PLEC: variants seen among roughly 807,000 people sequenced by gnomAD.
PLEC encodes plectin, also known as hemidesmosomal protein 1.
Under a neutral mutation model 392.8 loss-of-function variants are expected in PLEC, and 216 were observed. The observed-to-expected ratio is 0.55, with a 90% confidence interval of 0.49 to 0.62. The LOEUF is 0.62. Among genes scored for constraint, PLEC ranks in the 20% least tolerant of loss-of-function variants. The pLI is 0.00. For synonymous variants in PLEC, 3,621 were observed against 2,980.6 expected, an observed-to-expected ratio of 1.21 and a Z score of -7.00; for missense variants, 6,863 against 6,563.4, an observed-to-expected ratio of 1.05 and a Z score of -1.58.
intron 1 of PLEC, among the ~76,000 whole-genome samples, chr8:143,967,209 A>AC (rs1220642433): frequency 1.3e-5 from 2 of 151,744 alleles, no homozygotes; most frequent in Admixed American, 6.6e-5. Context: ...TAAAAATACA[A>AC]AAAATTAGCT....
exon 1 of PLEC, chr8:143,950,199 G>C (rs572926698): frequency 1.3e-6 from 2 of 1,529,278 alleles, no homozygotes; most frequent in Admixed American, 2.1e-5. Context: ...GCTGGGGCAG[G>C]CTCCGGGCCT....
In PLEC at chr8:143,921,829, C is replaced by T. The variant is rs202097976; in HGVS notation, c.7992G>A (p.Leu2664=). Reference sequence around the variant, plus strand: ...CCAACCGCTGCAGCTCCTCCGCACTCAGGATGCCGGCCTCCTGCAGCCTCT... The same window carrying T: ...CCAACCGCTGCAGCTCCTCCGCACTTAGGATGCCGGCCTCCTGCAGCCTCT... ...SAQRLQEAGI[L]SAEELQRLAQ... is the part of the protein sequence containing the mutation. The change falls in exon 32 of 32, where the codon CTG becomes CTA. Residue 2664 remains leucine, a synonymous_variant. Coordinates refer to ENST00000345136, the MANE Select transcript of PLEC (RefSeq NM_201384.3). 113 of 1,607,126 alleles carry T rather than the reference C, an allele frequency of 7.0e-5. No homozygotes were observed. In the African/African-American group the frequency reaches 1.5e-3, roughly 21 times the overall value.
In PLEC at chr8:143,921,062, T is replaced by C. The variant is rs781891250; in HGVS notation, c.8759A>G (p.Lys2920Arg). The C allele has an allele frequency of 1.2e-6, 2 of 1,612,138 alleles. No individual in the cohort carries two copies. Among genetic ancestry groups the C allele is most frequent in the Middle Eastern group, 1.6e-4 (1 of 6,062 alleles). ...VSAPFGKFQGKTVTIWEIINS... is the reference protein window; with the variant it reads ...VSAPFGKFQGRTVTIWEIINS... ...GATGATCTCCCAAATGGTCACCGTC[T>C]TGCCCTGGAACTTGCCGAACGGCGC... Residue 2920 changes from lysine (K) to arginine (R), a missense_variant, in exon 32 of 32, where the codon AAG (lysine) becomes AGG (arginine). Lys to Arg is a conservative substitution (Grantham distance 26). Coordinates refer to ENST00000345136, the MANE Select transcript of PLEC (RefSeq NM_201384.3).
At chr8:143,960,517 TGAGGCAGGAGAATCCCTCTAACCCGG>T (rs1182902117) in intron 1 of PLEC, among the ~76,000 whole-genome samples, 3 of 151,732 alleles carry the variant, frequency 2.0e-5, no homozygotes, top group African/African-American at 7.3e-5. Context: ...CTCAGGAGGC[TGAGGCAGGAGAATCCCTCTAACCCGG>T]GAGGCGGAGG....
rs541961187 is a variant in PLEC at position 143,930,065 on chromosome 8, G to A, written c.2613-3C>T. On this transcript the variant is annotated splice_polypyrimidine_tract_variant and splice_region_variant and intron_variant, in intron 21 of 31. Coordinates refer to ENST00000345136, the MANE Select transcript of PLEC (RefSeq NM_201384.3). The stretch of plus-strand genomic sequence containing the variant: ...GGGCCTGGTGCTGGGCCTCCAGCCT[G>A]GCAGGTCAGGGCTACAGTCAGCGTC... 1 of 1,609,848 alleles carries A rather than the reference G, an allele frequency of 6.2e-7. No individual in the cohort carries two copies. The highest frequency in any genetic ancestry group is 2.2e-5 in the East Asian group (1 of 44,864).
rs202005454 is a variant in PLEC at position 143,919,980 on chromosome 8, C to T, written c.9841G>A (p.Val3281Met). The T allele has an allele frequency of 2.0e-4, 317 of 1,613,372 alleles. No homozygotes were observed. The highest frequency in any genetic ancestry group is 9.1e-4 in the South Asian group (83 of 91,088). The change falls in exon 32 of 32, where the codon GTG (valine) becomes ATG (methionine). Residue 3281 changes from valine to methionine, a missense_variant. Physicochemically the swap from Val to Met is conservative, Grantham distance 21. Transcript: ENST00000345136. ...LRQFRTGKVT[V>M]EKVIKILITI... Reference sequence around the variant, plus strand: ...ATGAGAATCTTGATGACCTTCTCCACGGTGACCTTGCCCGTGCGGAACTGA... The same window carrying T: ...ATGAGAATCTTGATGACCTTCTCCATGGTGACCTTGCCCGTGCGGAACTGA...
intron 1 of PLEC, among the ~76,000 whole-genome samples, chr8:143,972,582 G>C (rs1051817658): frequency 6.6e-6 from 1 of 152,258 alleles, no homozygotes; most frequent in Non-Finnish European, 1.5e-5. Flanking sequence ...GCTGGAGTCT[G>C]CTCTGATCGG....
intron 1 of PLEC, among the ~76,000 whole-genome samples, chr8:143,971,224 C>T (rs1279773762): frequency 1.3e-5 from 2 of 152,124 alleles, no homozygotes; most frequent in African/African-American, 2.4e-5. Context: ...GAGGTGGAAC[C>T]GAGGCAATGC....
chr8:143,930,474 C>A lies in PLEC; in HGVS notation c.2367G>T (p.Lys789Asn), dbSNP rs2131792951. Residue 789 changes from lysine (K) to asparagine (N), a missense_variant, in exon 20 of 32, where the codon AAG (lysine) becomes AAT (asparagine). Transcript: ENST00000345136. Reference sequence around the variant, plus strand: ...GGCGGGGCTTCAGCTGCACGACGGCCTTGGCCCGCTTGGCCAGGCCTGAGA... The same window carrying A: ...GGCGGGGCTTCAGCTGCACGACGGCATTGGCCCGCTTGGCCAGGCCTGAGA... Reference protein sequence around the residue: ...GHLSGLAKRAKAVVQLKPRHP... With the variant: ...GHLSGLAKRANAVVQLKPRHP... 6.3e-7 allele frequency: 1 copy of A among 1,591,686 alleles called. No homozygotes were observed. The highest frequency in any genetic ancestry group is 2.3e-5 in the East Asian group (1 of 43,452).
Position 143,931,936 on chromosome 8 carries a change from C to T in PLEC, c.2178+1G>A. ...AGTGCGGAGGGGGCTCCGGTTCTCACCTGAAAGTAGGCAGCGTTCTCCTTC... is the reference window on the plus strand; with the variant it reads ...AGTGCGGAGGGGGCTCCGGTTCTCATCTGAAAGTAGGCAGCGTTCTCCTTC... On this transcript the variant is annotated splice_donor_variant, in intron 18 of 31. Coordinates refer to ENST00000345136, the MANE Select transcript of PLEC (RefSeq NM_201384.3). LOFTEE classifies it high-confidence loss of function. 6.2e-7 allele frequency: 1 copy of T among 1,604,630 alleles called. No individual in the cohort carries two copies. Among genetic ancestry groups the T allele is most frequent in the South Asian group, 1.1e-5 (1 of 89,682 alleles).
rs781957563 is a variant in PLEC, at chr8:143,919,224, C to A, written c.10597G>T (p.Asp3533Tyr). 6.2e-7 allele frequency: 1 copy of A among 1,613,906 alleles called. No homozygotes were observed. Among genetic ancestry groups the A allele is most frequent in the South Asian group, 1.1e-5 (1 of 91,084 alleles). ...YRQLLERCVEDPETGLRLLPL... is the reference protein window; with the variant it reads ...YRQLLERCVEYPETGLRLLPL... ...AGAAGGCGCAAGCCCGTCTCGGGGT[C>A]CTCCACGCACCGCTCCAGCAGCTGC... Residue 3533 changes from aspartate to tyrosine, a missense_variant, in exon 32 of 32, where the codon GAC becomes TAC. Transcript: ENST00000345136.
upstream of PLEC, among the ~76,000 whole-genome samples, chr8:143,975,785 A>C (rs569082652): frequency 6.6e-6 from 1 of 152,016 alleles, no homozygotes; most frequent in African/African-American, 2.4e-5. This position sits in a 1 kb window ranked among gnomAD's most constrained non-coding sequence, Gnocchi z 9.9. Flanking sequence ...CTCAACCGGC[A>C]CACGACAGAC....
upstream of PLEC, chr8:143,973,575 G>GC: frequency 5.1e-6 from 5 of 983,178 alleles, no homozygotes; most frequent in Non-Finnish European, 6.1e-6. The surrounding 1 kb of genome is among the most constrained non-coding windows in gnomAD (Gnocchi z 5.6). Flanking sequence ...CCCCCGCCCC[G>GC]CCCCCGCCCC....
intron 1 of PLEC, 120 bp downstream of exon 1, chr8:143,939,230 A>ACCCCCATCTCCAAGACCAGC: frequency 7.4e-7 from 1 of 1,355,610 alleles, no homozygotes; most frequent in Non-Finnish European, 1.0e-6. Context: ...CTGGCCCCCG[A>ACCCCCATCTCCAAGACCAGC]CCCCCATCTC....
intron 3 of PLEC, chr8:143,937,754 G>C: frequency 2.0e-6 from 1 of 499,268 alleles, no homozygotes; most frequent in Non-Finnish European, 3.9e-6. Context: ...CTCACCAGGC[G>C]TGAGCTCCTG....
chr8:143,921,568 G>A lies in PLEC; in HGVS notation c.8253C>T (p.Asn2751=), dbSNP rs11777402. The stretch of plus-strand genomic sequence containing the variant: ...CCACCACACCCTCCTTCACAGCCTC[G>A]TTGACGGTCAGCCGCCGGTTCCGCA... ...DPVRNRRLTV[N]EAVKEGVVGP... The change falls in exon 32 of 32, where the codon AAC becomes AAT. Residue 2751 remains asparagine (N), a synonymous_variant. Transcript: ENST00000345136. 624,751 of 1,612,104 alleles carry A rather than the reference G, an allele frequency of 0.39. 127,617 individuals carry two copies. The highest frequency in any genetic ancestry group is 0.42 in the Non-Finnish European group (496,935 of 1,179,322).
chr8:143,934,021 G>T lies in PLEC; in HGVS notation c.1240C>A (p.Gln414Lys). ...EAGLCEEQLN[Q>K]ADALLQSDVR... is the part of the protein sequence containing the mutation. ...ACCGACTGCAGCAGGGCGTCGGCCT[G>T]GTTCAGCTGCTCCTCACACAGCCCC... The change falls in exon 12 of 32, where the codon CAG becomes AAG. Residue 414 changes from glutamine (Q) to lysine (K), a missense_variant. By Grantham distance (53) the Gln-to-Lys change is moderately conservative. Coordinates refer to ENST00000345136, the MANE Select transcript of PLEC (RefSeq NM_201384.3). 4 of 1,610,054 alleles carry T rather than the reference G, an allele frequency of 2.5e-6. No homozygotes were observed. The highest frequency in any genetic ancestry group is 3.4e-6 in the Non-Finnish European group (4 of 1,179,282).
upstream of PLEC, chr8:143,951,023 G>A (rs1215455384): frequency 2.0e-6 from 1 of 496,996 alleles, no homozygotes; most frequent in Non-Finnish European, 3.5e-6. Flanking sequence ...GGCCCTTGTA[G>A]AGTGGGGGGC....
chr8:143,943,552 A>C (rs1037852358), upstream of PLEC, among the ~76,000 whole-genome samples: 20 of 150,980 alleles, frequency 1.3e-4, no homozygotes, highest in Non-Finnish European at 3.0e-4. Context: ...GCTTCCACCC[A>C]CCTGTCCCGC....
Sources: allele counts gnomAD v4.1 joint callset (sites outside exome capture counted in the v4.1 genomes callset), GRCh38; gene constraint gnomAD v4.1.1; non-coding constraint Gnocchi (gnomAD v3.1); transcripts MANE v1.5; gene names NCBI Gene and HGNC (gene_info 2026-07-23, HGNC 2026-07-21).